ITGA4: variants seen among roughly 807,000 people sequenced by gnomAD.
ITGA4 encodes the protein integrin subunit alpha 4.
ITGA4 carries 63 observed loss-of-function variants against 133.6 expected under a neutral mutation model. The observed-to-expected ratio is 0.47, with a 90% CI of 0.38 to 0.58. The LOEUF (loss-of-function observed/expected upper bound fraction) is 0.58. ITGA4 is among the 20% of genes least tolerant of loss of function. ITGA4 has a pLI of 0.00. For synonymous variants in ITGA4, 483 were observed against 438.0 expected (o/e 1.10, Z -1.28); for missense variants, 1,076 against 1,252.7 (o/e 0.86, Z 2.13).
intron 25 of ITGA4, among the ~76,000 whole-genome samples, chr2:181,534,013 T>G (rs1270443681): frequency 6.6e-6 from 1 of 152,234 alleles, no homozygotes; most frequent in Non-Finnish European, 1.5e-5. Flanking sequence ...GTAACTTACC[T>G]CTTTCTGTAG....
intron 27 of ITGA4, 109 bp from the exon 28 acceptor site, chr2:181,535,323 A>T: frequency 1.2e-6 from 1 of 803,780 alleles, no homozygotes; most frequent in Non-Finnish European, 1.9e-6. Context: ...GTTACAAGGG[A>T]TGCAGTTTAA....
Position 181,530,649 on chromosome 2 carries a change from G to T in ITGA4, c.2664G>T (p.Leu888Phe). The stretch of plus-strand genomic sequence containing the variant: ...TGTCCAAGACTGATAAGAGGCTATT[G>T]GTAAGTTTCAGTTTTTCAGGTTGTA... The part of the protein sequence containing the change: ...RFLSKTDKRL[L>F]YCIKADPHCL... The change falls in exon 24 of 28, where the codon TTG becomes TTT. Residue 888 changes from leucine (L) to phenylalanine (F), a missense_variant and splice_region_variant. By Grantham distance (22) the Leu-to-Phe change is conservative. This residue lies in a region of ITGA4 where 193 missense variants were observed against 172.3 expected (regional missense o/e 1.12). Coordinates refer to ENST00000397033, the MANE Select transcript of ITGA4 (RefSeq NM_000885.6). 1 of 1,608,440 alleles carries T rather than the reference G, an allele frequency of 6.2e-7. No homozygotes were observed. The highest frequency in any genetic ancestry group is 8.5e-7 in the Non-Finnish European group (1 of 1,176,972).
At chr2:181,524,798 G>A (rs905196433) in intron 20 of ITGA4, among the ~76,000 whole-genome samples, 3 of 151,978 alleles carry the variant, frequency 2.0e-5, no homozygotes, top group Non-Finnish European at 4.4e-5. Context: ...AAAATTATAT[G>A]ATTGATGTGC....
chr2:181,533,580 A>G (rs1481324755), intron 25 of ITGA4, among the ~76,000 whole-genome samples: 1 of 152,098 alleles, frequency 6.6e-6, no homozygotes, highest in African/African-American at 2.4e-5. Flanking sequence ...CTGACACTTG[A>G]CAGTTTCTTT....
rs541649559 is a variant in ITGA4, at chr2:181,477,133, T to A, written c.557-1624T>A. On this transcript the variant is annotated intron_variant, in intron 4 of 27. Coordinates refer to ENST00000397033, the MANE Select transcript of ITGA4 (RefSeq NM_000885.6). ...AACCCTGAACCTGAAAGTTTTTTTT[T>A]AAATGCCTTTGGGAAAATTGGCTAT... is the stretch of plus-strand genomic sequence containing the variant. Among the ~76,000 whole-genome samples, 37 of 152,212 alleles carry A rather than the reference T, an allele frequency of 2.4e-4. 1 individual carries two copies. The East Asian group carries it at 5.4e-3, about 22-fold the overall frequency.
intron 21 of ITGA4, among the ~76,000 whole-genome samples, chr2:181,526,885 G>C (rs191436304): frequency 8.8e-4 from 111 of 126,660 alleles, no homozygotes; most frequent in African/African-American, 2.8e-3. Context: ...ATGCTGGAGG[G>C]CAGCGGTGTG....
chr2:181,529,206 A>G (rs1686890977), intron 22 of ITGA4, among the ~76,000 whole-genome samples: 1 of 151,936 alleles, frequency 6.6e-6, no homozygotes. Context: ...TGAGAACCAA[A>G]TGATATTTTT....
rs145651561 is a variant in ITGA4, at chr2:181,528,247, T to C, written c.2430+860T>C. On this transcript the variant is annotated intron_variant, in intron 22 of 27. Transcript: ENST00000397033. ...TGACCTTGAAATCCTGTTGATTCTA[T>C]GTATACTCCAATTTTTGTTACACTA... Among the ~76,000 whole-genome samples, 911 of 152,340 alleles carry C rather than the reference T, an allele frequency of 6.0e-3. 13 individuals carry two copies. Among genetic ancestry groups the C allele is most frequent in the African/African-American group, 0.02 (834 of 41,570 alleles).
intron 18 of ITGA4, among the ~76,000 whole-genome samples, chr2:181,522,878 T>C (rs1338639655): frequency 6.6e-6 from 1 of 152,204 alleles, no homozygotes; most frequent in Non-Finnish European, 1.5e-5. Flanking sequence ...GAAACTCAGA[T>C]ATTCACGGAC....
intron 17 of ITGA4, among the ~76,000 whole-genome samples, chr2:181,519,098 G>A (rs1686667896): frequency 6.6e-6 from 1 of 152,036 alleles, no homozygotes; most frequent in African/African-American, 2.4e-5. Context: ...TAAATAAGAT[G>A]TGGCATATTC....
intron 21 of ITGA4, among the ~76,000 whole-genome samples, chr2:181,526,821 C>CTTGTTTTTTTTTTTTTTT (rs1686838771): frequency 2.4e-5 from 1 of 40,994 alleles, no homozygotes; most frequent in East Asian, 9.2e-4. Context: ...AGCACATGGC[C>CTTGTTTTTTTTTTTTTTT]TTTTTTTTTT....
At chr2:181,524,356 C>G (rs1574411422) in intron 20 of ITGA4, 106 bp downstream of exon 20, 1 of 622,264 alleles carries the variant, frequency 1.6e-6, no homozygotes, top group East Asian at 3.2e-5. Context: ...TAAGAGAAAA[C>G]TTCTCTTACG....
intron 15 of ITGA4, among the ~76,000 whole-genome samples, chr2:181,504,027 T>C (rs180998808): frequency 1.3e-5 from 2 of 152,154 alleles, no homozygotes; most frequent in Admixed American, 6.6e-5. Flanking sequence ...TTGAACTTGA[T>C]GGATCCCTGC....
chr2:181,522,609 C>T (rs1307221237), intron 18 of ITGA4, among the ~76,000 whole-genome samples: 2 of 152,160 alleles, frequency 1.3e-5, no homozygotes, highest in Admixed American at 6.6e-5. Flanking sequence ...AGCCAGCACA[C>T]GTCTGATGTT....
Position 181,506,448 on chromosome 2 carries a change from T to C in ITGA4, c.1696-3210T>C, listed in dbSNP as rs528783061. On this transcript the variant is annotated intron_variant, in intron 15 of 27. Transcript: ENST00000397033. The stretch of plus-strand genomic sequence containing the variant: ...TAAGCCATAGACAAATTAAGAAACT[T>C]GTCCAATGTTATGTAGATAATAAGT... Among the ~76,000 whole-genome samples, 8 of 152,198 alleles carry C rather than the reference T, an allele frequency of 5.3e-5. No individual in the cohort carries two copies. The South Asian group carries it at 1.7e-3, about 32-fold the overall frequency.
chr2:181,489,220 A>G (rs1685988423), intron 10 of ITGA4, among the ~76,000 whole-genome samples: 2 of 152,238 alleles, frequency 1.3e-5, no homozygotes. Context: ...GGTACTTTGC[A>G]TAGCAAACCT....
rs202221707 is a variant in ITGA4 at position 181,531,756 on chromosome 2, C to T, written c.2764C>T (p.Arg922Trp). The T allele has an allele frequency of 1.0e-5, 16 of 1,596,334 alleles. No individual in the cohort carries two copies. Among genetic ancestry groups the T allele is most frequent in the Non-Finnish European group, 1.2e-5 (14 of 1,173,386 alleles). The stretch of plus-strand genomic sequence containing the variant: ...CAGTGTTCATATCCAACTGGAAGGC[C>T]GGCCATCCATTTTAGAAATGGTAAG... ...EASVHIQLEG[R>W]PSILEMDETS... Residue 922 changes from arginine (R) to tryptophan (W), a missense_variant, in exon 25 of 28, where the codon CGG (arginine) becomes TGG (tryptophan). Physicochemically the swap from Arg to Trp is moderately radical, Grantham distance 101. Around this residue, in one of 4 missense-constraint regions of ITGA4, gnomAD observed 193 missense variants for 172.3 expected, o/e 1.12. Coordinates refer to ENST00000397033, the MANE Select transcript of ITGA4 (RefSeq NM_000885.6).
At chr2:181,481,833 T>A in intron 7 of ITGA4, 150 bp downstream of exon 7, 1 of 389,588 alleles carries the variant, frequency 2.6e-6, no homozygotes, top group Non-Finnish European at 4.6e-6. Flanking sequence ...TGGTGAAAGA[T>A]GTTATGGTTT....
Position 181,493,404 on chromosome 2 carries a change from G to C in ITGA4, c.1233G>C (p.Ser411=), listed in dbSNP as rs368002151. Residue 411 remains serine, a synonymous_variant, in exon 11 of 28, where the codon TCG becomes TCC. Transcript: ENST00000397033. ...YIYNGRADGI[S]STFSQRIEGL... is the part of the protein sequence containing the mutation. ...ACAATGGCCGTGCAGATGGGATCTC[G>C]TCAACCTTCTCACAGGTAAGGTACT... 2.5e-6 allele frequency: 4 copies of C among 1,606,362 alleles called. No individual in the cohort carries two copies. The African/African-American group carries it at 5.4e-5, about 22-fold the overall frequency.
Sources: allele counts gnomAD v4.1 joint callset (sites outside exome capture counted in the v4.1 genomes callset), GRCh38; gene constraint gnomAD v4.1.1; regional missense constraint gnomAD v4.1.1; transcripts MANE v1.5; gene names NCBI Gene and HGNC (gene_info 2026-07-23, HGNC 2026-07-21).